The following EFCAB11 variants were observed in gnomAD, a reference collection of about 807,000 sequenced individuals.
EFCAB11 encodes the protein EF-hand calcium binding domain 11, also known as EF-hand calcium-binding domain-containing protein 11.
EFCAB11 carries 14 observed loss-of-function variants against 23.0 expected under a neutral mutation model. That is an observed-to-expected ratio of 0.61 (90% CI 0.40 to 0.95). The LOEUF is 0.95. Among genes scored for constraint, EFCAB11 ranks in the 40% least tolerant of loss-of-function variants. The pLI, the probability that EFCAB11 is intolerant of heterozygous loss-of-function variation, is 0.00. For missense variants in EFCAB11, 198 were observed against 195.8 expected, an observed-to-expected ratio of 1.01 and a Z score of -0.07; for synonymous variants, 65 against 66.6, an observed-to-expected ratio of 0.98 and a Z score of 0.11.
intron 5 of EFCAB11, among the ~76,000 whole-genome samples, chr14:89,839,864 T>C (rs1366470209): frequency 1.3e-5 from 2 of 151,882 alleles, no homozygotes; most frequent in East Asian, 3.9e-4. Context: ...ATTCGCTATA[T>C]AGTACCAAGG....
At chr14:89,925,527 C>T (rs1890162100) in intron 5 of EFCAB11, among the ~76,000 whole-genome samples, 1 of 152,150 alleles carries the variant, frequency 6.6e-6, no homozygotes, top group Admixed American at 6.5e-5. Context: ...GTCTCTTGAA[C>T]TTCTGCCATT....
At chr14:89,815,574 G>A (rs1054117833) in intron 5 of EFCAB11, among the ~76,000 whole-genome samples, 6 of 152,056 alleles carry the variant, frequency 3.9e-5, no homozygotes, top group South Asian at 2.1e-4. Context: ...TTACAGGCGC[G>A]CGCCACCACG....
chr14:89,942,608 C>T (rs1680129737), intron 3 of EFCAB11, among the ~76,000 whole-genome samples: 4 of 152,262 alleles, frequency 2.6e-5, no homozygotes, highest in Admixed American at 1.3e-4. Flanking sequence ...CAGAACCAAC[C>T]TCAACTGTGA....
At chr14:89,877,196 C>T (rs937180693) in intron 5 of EFCAB11, among the ~76,000 whole-genome samples, 5 of 152,040 alleles carry the variant, frequency 3.3e-5, no homozygotes, top group African/African-American at 9.7e-5. Context: ...TGTGCCACCA[C>T]ACCTGGCTAA....
At chr14:89,920,324 T>C (rs1889983134) in intron 5 of EFCAB11, among the ~76,000 whole-genome samples, 1 of 152,326 alleles carries the variant, frequency 6.6e-6, no homozygotes, top group Non-Finnish European at 1.5e-5. Flanking sequence ...GCATCAAGAA[T>C]GCTCTTAGGG....
chr14:89,919,343 C>G (rs1889951390), intron 5 of EFCAB11, among the ~76,000 whole-genome samples: 1 of 152,146 alleles, frequency 6.6e-6, no homozygotes, highest in Non-Finnish European at 1.5e-5. Flanking sequence ...AGCACCTGAG[C>G]CCACTTAACA....
At chr14:89,873,331 C>T (rs758799372) in intron 5 of EFCAB11, among the ~76,000 whole-genome samples, 10 of 152,280 alleles carry the variant, frequency 6.6e-5, no homozygotes, top group East Asian at 3.9e-4. Context: ...CACCAGCTCA[C>T]TCCCATGATA....
chr14:89,904,220 A>G (rs1738883203), intron 5 of EFCAB11, among the ~76,000 whole-genome samples: 1 of 152,082 alleles, frequency 6.6e-6, no homozygotes, highest in Admixed American at 6.6e-5. Flanking sequence ...GATTGAGAAC[A>G]TGCAGTGTTT....
At chr14:89,797,646 T>C (rs973262847) in intron 5 of EFCAB11, among the ~76,000 whole-genome samples, 2 of 152,154 alleles carry the variant, frequency 1.3e-5, no homozygotes, top group Non-Finnish European at 2.9e-5. Flanking sequence ...CAAAAACATA[T>C]GCAGGCCAGA....
At chr14:89,906,500 G>A (rs941066964) in intron 5 of EFCAB11, among the ~76,000 whole-genome samples, 4 of 152,234 alleles carry the variant, frequency 2.6e-5, no homozygotes, top group East Asian at 1.9e-4. Context: ...GTCAGCTGAC[G>A]CATCTAAATT....
intron 3 of EFCAB11, among the ~76,000 whole-genome samples, chr14:89,941,761 C>T (rs1218749204): frequency 1.3e-5 from 2 of 151,796 alleles, no homozygotes; most frequent in African/African-American, 2.4e-5. Context: ...CACAGTGGCT[C>T]ATGCCTGTAA....
At chr14:89,900,894 T>A (rs1280410384) in intron 5 of EFCAB11, among the ~76,000 whole-genome samples, 3 of 152,248 alleles carry the variant, frequency 2.0e-5, no homozygotes, top group African/African-American at 7.2e-5. Context: ...CTCTTGGTAA[T>A]GCATTTCAAC....
In EFCAB11 at chr14:89,954,648, C is replaced by G. The variant is rs1247396799; in HGVS notation, c.13G>C (p.Glu5Gln). The G allele has an allele frequency of 6.2e-7, 1 of 1,612,528 alleles. No homozygotes were observed. The highest frequency in any genetic ancestry group is 2.2e-5 in the East Asian group (1 of 44,836). The change falls in exon 1 of 6, where the codon GAG becomes CAG. Residue 5 changes from glutamate to glutamine, a missense_variant. Physicochemically the swap from Glu to Gln is conservative, Grantham distance 29. Coordinates refer to ENST00000316738, the MANE Select transcript of EFCAB11 (RefSeq NM_145231.4). ...CACGTCCGCGACCTGGCTCTGGCCTCGGAGAAGAACATCGCGACTACAACA... is the reference window on the plus strand; with the variant it reads ...CACGTCCGCGACCTGGCTCTGGCCTGGGAGAAGAACATCGCGACTACAACA... Reference protein sequence around the residue: MFFSEARARSRTWEA... With the variant: MFFSQARARSRTWEA...
At chr14:89,921,076 A>AT (rs59447353) in intron 5 of EFCAB11, among the ~76,000 whole-genome samples, 1 of 149,226 alleles carries the variant, frequency 6.7e-6, no homozygotes. Flanking sequence ...AAAAAAAAAA[A>AT]GAAAAGAAAG....
intron 5 of EFCAB11, among the ~76,000 whole-genome samples, chr14:89,869,504 A>T (rs948679821): frequency 6.6e-6 from 1 of 151,984 alleles, no homozygotes; most frequent in African/African-American, 2.4e-5. Context: ...AATTCTATAC[A>T]CTCCTGTAAT....
chr14:89,819,890 T>C (rs953237514), intron 5 of EFCAB11, among the ~76,000 whole-genome samples: 3 of 152,098 alleles, frequency 2.0e-5, no homozygotes, highest in African/African-American at 7.2e-5. Context: ...ATGTAAAAAA[T>C]AATTTAGATA....
chr14:89,800,528 T>C (rs1451713892), intron 5 of EFCAB11, among the ~76,000 whole-genome samples: 1 of 152,166 alleles, frequency 6.6e-6, no homozygotes, highest in African/African-American at 2.4e-5. Flanking sequence ...CAGCTCCCCT[T>C]TTACCAGACA....
At chr14:89,809,720 A>G (rs1886088351) in intron 5 of EFCAB11, among the ~76,000 whole-genome samples, 1 of 152,200 alleles carries the variant, frequency 6.6e-6, no homozygotes, top group Non-Finnish European at 1.5e-5. Context: ...TTTAGTTCTT[A>G]GAAGTGGGGG....
intron 3 of EFCAB11, among the ~76,000 whole-genome samples, chr14:89,934,893 G>A (rs1198690769): frequency 6.6e-6 from 1 of 152,046 alleles, no homozygotes; most frequent in Admixed American, 6.6e-5. Flanking sequence ...GCATGTCCTA[G>A]GAGACCCTTC....
Sources: allele counts gnomAD v4.1 joint callset (sites outside exome capture counted in the v4.1 genomes callset), GRCh38; gene constraint gnomAD v4.1.1; transcripts MANE v1.5; gene names NCBI Gene and HGNC (gene_info 2026-07-23, HGNC 2026-07-21).